Variants in ZMAT4 observed in about 807,000 individuals in gnomAD.
ZMAT4 encodes zinc finger matrin-type protein 4.
A neutral mutation model predicts 28.7 loss-of-function variants in ZMAT4; 17 were observed. That is an observed-to-expected ratio of 0.59 (90% CI 0.41 to 0.89). ZMAT4 has a LOEUF of 0.89. Ranked by LOEUF, ZMAT4 falls within the 40% of genes least tolerant of loss-of-function variation. The pLI is 0.00. For missense variants in ZMAT4, 240 were observed against 283.8 expected, an observed-to-expected ratio of 0.85 and a Z score of 1.11; for synonymous variants, 117 against 109.2, an observed-to-expected ratio of 1.07 and a Z score of -0.44.
At chr8:40,765,742 C>A (rs1813133557) in intron 3 of ZMAT4, among the ~76,000 whole-genome samples, 1 of 152,164 alleles carries the variant, frequency 6.6e-6, no homozygotes, top group African/African-American at 2.4e-5. Flanking sequence ...GCCTGTACAA[C>A]TACAACACTA....
At chr8:40,724,851 A>G (rs1027623469) in intron 3 of ZMAT4, among the ~76,000 whole-genome samples, 1 of 152,146 alleles carries the variant, frequency 6.6e-6, no homozygotes, top group African/African-American at 2.4e-5. Flanking sequence ...GATGAAGTGG[A>G]TAGGGAGGCA....
At chr8:40,834,335 C>T (rs1816399738) in intron 1 of ZMAT4, among the ~76,000 whole-genome samples, 1 of 152,096 alleles carries the variant, frequency 6.6e-6, no homozygotes, top group South Asian at 2.1e-4. Flanking sequence ...TGTCCTTTGT[C>T]TGCTTGGACA....
chr8:40,786,084 T>A (rs928492324), intron 2 of ZMAT4, among the ~76,000 whole-genome samples: 23 of 152,178 alleles, frequency 1.5e-4, no homozygotes, highest in African/African-American at 5.6e-4. Flanking sequence ...ATTCCTTTCT[T>A]CCTTGCTGAA....
chr8:40,803,198 T>C (rs1463069640), intron 2 of ZMAT4, among the ~76,000 whole-genome samples: 1 of 152,170 alleles, frequency 6.6e-6, no homozygotes, highest in Non-Finnish European at 1.5e-5. Flanking sequence ...GTAGGCATGA[T>C]CTATAAAAGA....
At chr8:40,576,017 T>A in intron 6 of ZMAT4, among the ~76,000 whole-genome samples, 1 of 150,786 alleles carries the variant, frequency 6.6e-6, no homozygotes. Context: ...ATGAATAAAA[T>A]AAAAAGTACC....
intron 5 of ZMAT4, among the ~76,000 whole-genome samples, chr8:40,608,614 A>G (rs1805686500): frequency 1.3e-5 from 2 of 152,164 alleles, no homozygotes. Context: ...CTTCGTGTTC[A>G]GTCAGAATTG....
chr8:40,756,426 T>TATATATATATATATATA (rs1812683324), intron 3 of ZMAT4, among the ~76,000 whole-genome samples: 5 of 73,284 alleles, frequency 6.8e-5, no homozygotes, highest in African/African-American at 2.4e-4. Context: ...AAATGTTCTT[T>TATATATATATATATATA]TATATATATA....
chr8:40,746,844 C>T (rs1188396067), intron 3 of ZMAT4, among the ~76,000 whole-genome samples: 1 of 152,154 alleles, frequency 6.6e-6, no homozygotes, highest in Non-Finnish European at 1.5e-5. Flanking sequence ...CGTTTCTCCC[C>T]AAACTTTCAT....
intron 6 of ZMAT4, among the ~76,000 whole-genome samples, chr8:40,541,093 A>G (rs1803013618): frequency 6.6e-6 from 1 of 152,248 alleles, no homozygotes; most frequent in South Asian, 2.1e-4. Context: ...TGCTTTGAAG[A>G]TTAAATGAAT....
At position 40,532,192 on chromosome 8, in the gene ZMAT4, T is replaced by C. The variant is rs1456655012; in HGVS notation, c.*31A>G. On this transcript the variant is annotated 3_prime_UTR_variant, in exon 7 of 7. Coordinates refer to ENST00000297737, the MANE Select transcript of ZMAT4 (RefSeq NM_024645.3). ...TCTCCACGGCAGAGAAATGCTAATG[T>C]TTTGTTCTTATGTCTTGATTGATGC... 5.7e-6 allele frequency: 9 copies of C among 1,579,572 alleles called. No individual in the cohort carries two copies. Among genetic ancestry groups the C allele is most frequent in the African/African-American group, 1.4e-5 (1 of 73,694 alleles).
At chr8:40,629,012 T>TC (rs1465579289) in intron 5 of ZMAT4, among the ~76,000 whole-genome samples, 3 of 151,410 alleles carry the variant, frequency 2.0e-5, no homozygotes, top group African/African-American at 7.3e-5. Context: ...CTTTTCTTTT[T>TC]TTTTTTTTAA....
chr8:40,689,244 G>A (rs1403907626), intron 4 of ZMAT4, among the ~76,000 whole-genome samples: 1 of 152,194 alleles, frequency 6.6e-6, no homozygotes, highest in African/African-American at 2.4e-5. Context: ...ACAGCATCCT[G>A]GGTGAGATCA....
chr8:40,747,319 A>C (rs932818376), intron 3 of ZMAT4, among the ~76,000 whole-genome samples: 16 of 151,986 alleles, frequency 1.1e-4, no homozygotes, highest in Admixed American at 3.9e-4. Flanking sequence ...AAGTTACATG[A>C]CTCGCCCATG....
chr8:40,773,116 C>T (rs80266970), intron 2 of ZMAT4, among the ~76,000 whole-genome samples: 5,456 of 152,250 alleles, frequency 0.036, 195 homozygotes, highest in East Asian at 0.16. Flanking sequence ...TTCCCTCTAA[C>T]GAATGGAACT....
chr8:40,643,393 T>C lies in ZMAT4; in HGVS notation c.577+31311A>G, dbSNP rs202046315. Among the ~76,000 whole-genome samples, 9 of 152,214 alleles carry C rather than the reference T, an allele frequency of 5.9e-5. No homozygotes were observed. In the East Asian group the frequency reaches 1.7e-3, roughly 29 times the overall value. On this transcript the variant is annotated intron_variant, in intron 5 of 6. Transcript: ENST00000297737. ...TACATATTTGACACTTGGAAAACCATATTTCTTTAGAAATATGTCAGTGAC... is the reference window on the plus strand; with the variant it reads ...TACATATTTGACACTTGGAAAACCACATTTCTTTAGAAATATGTCAGTGAC...
intron 4 of ZMAT4, among the ~76,000 whole-genome samples, chr8:40,682,337 T>C (rs1172895347): frequency 6.6e-6 from 1 of 152,186 alleles, no homozygotes; most frequent in African/African-American, 2.4e-5. Flanking sequence ...AGACTTGAGG[T>C]AAAATGAGTT....
At chr8:40,784,360 C>T (rs1049949652) in intron 2 of ZMAT4, among the ~76,000 whole-genome samples, 7 of 152,006 alleles carry the variant, frequency 4.6e-5, no homozygotes, top group South Asian at 2.1e-4. Flanking sequence ...TGACAAAATC[C>T]GGCACCTATT....
chr8:40,549,632 T>C (rs754398568), intron 6 of ZMAT4, among the ~76,000 whole-genome samples: 2 of 152,202 alleles, frequency 1.3e-5, no homozygotes, highest in Non-Finnish European at 2.9e-5. Context: ...AATACTTTTT[T>C]AGCTTCCACA....
chr8:40,813,814 A>G (rs1413056741), intron 2 of ZMAT4, among the ~76,000 whole-genome samples: 2 of 152,242 alleles, frequency 1.3e-5, no homozygotes, highest in African/African-American at 4.8e-5. Context: ...AAATCAGAAC[A>G]AAGTTGGGGA....
Sources: gnomAD v4.1 joint callset for allele counts (sites outside exome capture counted in the v4.1 genomes callset) on GRCh38, gnomAD v4.1.1 for gene constraint, MANE v1.5 for transcripts, NCBI Gene and HGNC (gene_info 2026-07-23, HGNC 2026-07-21) for gene names.